Variants in TMEM132D observed in about 807,000 individuals in gnomAD.
TMEM132D encodes the protein transmembrane protein 132D.
TMEM132D carries 21 observed loss-of-function variants against 62.3 expected under a neutral mutation model. The observed-to-expected ratio is 0.34, with a 90% confidence interval of 0.24 to 0.49. The LOEUF (loss-of-function observed/expected upper bound fraction) is 0.49, where lower values mean the gene tolerates loss of function less well. TMEM132D is among the 20% of genes least tolerant of loss of function. TMEM132D has a pLI of 0.99. For missense variants in TMEM132D, 1,346 were observed against 1,402.8 expected, an observed-to-expected ratio of 0.96 and a Z score of 0.65; for synonymous variants, 621 against 575.6, an observed-to-expected ratio of 1.08 and a Z score of -1.13.
At chr12:129,260,894 T>A (rs1376469533) in intron 4 of TMEM132D, among the ~76,000 whole-genome samples, 3 of 152,234 alleles carry the variant, frequency 2.0e-5, no homozygotes, top group African/African-American at 7.2e-5. Context: ...ATACACCACA[T>A]TTTCTTTATC....
intron 3 of TMEM132D, among the ~76,000 whole-genome samples, chr12:129,490,345 C>T (rs766137934): frequency 6.6e-6 from 1 of 151,556 alleles, no homozygotes; most frequent in African/African-American, 2.4e-5. Flanking sequence ...AAACTGATAA[C>T]CCACAGGTAT....
rs1417535980 is a variant in TMEM132D, at chr12:129,698,156, A to G, written c.968+1654T>C. 5 of 152,252 alleles carry G rather than the reference A, an allele frequency of 3.3e-5. 1 individual carries two copies. Among genetic ancestry groups the G allele is most frequent in the Admixed American group, 3.3e-4 (5 of 15,298 alleles). 9.4% of individuals were successfully genotyped at this position (152,252 alleles called of 1,614,324 possible). ...AATACTATGTAAGACTGTTGAACCC[A>G]GAAAAGTAAAACACAAAGCTAGCAG... On this transcript the variant is annotated intron_variant, in intron 2 of 8. Transcript: ENST00000422113.
At chr12:129,574,704 A>C (rs1877610273) in intron 2 of TMEM132D, among the ~76,000 whole-genome samples, 1 of 151,564 alleles carries the variant, frequency 6.6e-6, no homozygotes, top group Admixed American at 6.6e-5. Context: ...CGAGATGAAA[A>C]CCCGAGAATA....
intron 5 of TMEM132D, among the ~76,000 whole-genome samples, chr12:129,142,230 C>T (rs202206576): frequency 3.3e-5 from 5 of 152,056 alleles, no homozygotes; most frequent in African/African-American, 4.8e-5. Flanking sequence ...GAAGGTGCAG[C>T]GAACTTTCTG....
At chr12:129,648,866 T>A (rs1422144541) in intron 2 of TMEM132D, among the ~76,000 whole-genome samples, 2 of 152,130 alleles carry the variant, frequency 1.3e-5, no homozygotes, top group Middle Eastern at 3.4e-3. Context: ...TATAAAAAAA[T>A]ATATATATAA....
chr12:129,197,261 C>T (rs1311009512), intron 5 of TMEM132D, among the ~76,000 whole-genome samples: 1 of 152,162 alleles, frequency 6.6e-6, no homozygotes, highest in Non-Finnish European at 1.5e-5. Context: ...AGACAATACT[C>T]AACAGGTAAA....
At chr12:129,359,769 G>A (rs988509852) in intron 3 of TMEM132D, among the ~76,000 whole-genome samples, 2 of 152,108 alleles carry the variant, frequency 1.3e-5, no homozygotes, top group African/African-American at 4.8e-5. Context: ...CACTGAGAAT[G>A]AATAAGTTTA....
At chr12:129,619,987 C>T (rs1007008203) in intron 2 of TMEM132D, among the ~76,000 whole-genome samples, 3 of 152,184 alleles carry the variant, frequency 2.0e-5, no homozygotes, top group South Asian at 2.1e-4. Context: ...CCCAAAGCCA[C>T]GCAGCCCAGG....
intron 1 of TMEM132D, among the ~76,000 whole-genome samples, chr12:129,734,876 C>T (rs556748788): frequency 6.6e-6 from 1 of 151,898 alleles, no homozygotes; most frequent in South Asian, 2.1e-4. Flanking sequence ...GTGGTAACAG[C>T]ATGAAAAGAT....
intron 4 of TMEM132D, among the ~76,000 whole-genome samples, chr12:129,227,319 A>ATATATATATATATATATG (rs1193510600): frequency 2.1e-5 from 3 of 140,006 alleles, no homozygotes; most frequent in African/African-American, 8.2e-5. Flanking sequence ...ATATATATAT[A>ATATATATATATATATATG]TATATATGGC....
intron 5 of TMEM132D, among the ~76,000 whole-genome samples, chr12:129,131,595 G>T (rs1332001200): frequency 6.6e-6 from 1 of 151,106 alleles, no homozygotes; most frequent in Non-Finnish European, 1.5e-5. Flanking sequence ...GTGACAGAGT[G>T]AGACTCTGTC....
intron 4 of TMEM132D, among the ~76,000 whole-genome samples, chr12:129,313,585 A>ATATT (rs1243323660): frequency 6.6e-6 from 1 of 151,684 alleles, no homozygotes; most frequent in African/African-American, 2.4e-5. Flanking sequence ...ATATATATAT[A>ATATT]TAAGTTTCTT....
chr12:129,638,172 T>C (rs1003878962), intron 2 of TMEM132D, among the ~76,000 whole-genome samples: 1 of 152,144 alleles, frequency 6.6e-6, no homozygotes, highest in African/African-American at 2.4e-5. Context: ...GCAGAAAGAA[T>C]AGTGGAGAAT....
intron 1 of TMEM132D, among the ~76,000 whole-genome samples, chr12:129,888,953 G>C (rs1874833130): frequency 1.3e-5 from 2 of 152,228 alleles, no homozygotes; most frequent in Admixed American, 6.5e-5. Context: ...AGTGACTTGA[G>C]TCGGGGAAGT....
rs751887764 is a variant in TMEM132D, at chr12:129,582,934, T to TTTTG, written c.969-51733_969-51730dup. Among the ~76,000 whole-genome samples the TTTTG allele has an allele frequency of 1.3e-3, 184 of 142,912 alleles. 2 individuals carry two copies. In the Middle Eastern group the frequency reaches 0.028, roughly 22 times the overall value. 93.8% of individuals were successfully genotyped at this position (142,912 alleles called of 152,430 possible). On this transcript the variant is annotated intron_variant, in intron 2 of 8. Transcript: ENST00000422113. The stretch of plus-strand genomic sequence containing the variant: ...GCCACCACGTCCAGCCGAGTTTGTT[T>TTTTG]TTTGTTTTGTTTTGGAGACAGAGTC...
At chr12:129,523,708 AATCTCAC>A (rs1183632930) in intron 3 of TMEM132D, among the ~76,000 whole-genome samples, 3 of 152,206 alleles carry the variant, frequency 2.0e-5, no homozygotes, top group African/African-American at 4.8e-5. Flanking sequence ...AATTAAGGCA[AATCTCAC>A]ACTCCCTCAT....
chr12:129,436,689 A>C (rs1185156458), intron 3 of TMEM132D, among the ~76,000 whole-genome samples: 1 of 152,204 alleles, frequency 6.6e-6, no homozygotes, highest in Non-Finnish European at 1.5e-5. Context: ...AAAACATATT[A>C]GGAGGGATGA....
intron 3 of TMEM132D, among the ~76,000 whole-genome samples, chr12:129,451,953 G>A (rs1873301748): frequency 6.6e-6 from 1 of 152,022 alleles, no homozygotes; most frequent in Non-Finnish European, 1.5e-5. Flanking sequence ...GGGCAGAAAA[G>A]ATGGTGAGTA....
intron 4 of TMEM132D, among the ~76,000 whole-genome samples, chr12:129,273,870 A>C (rs12820570): frequency 6.6e-6 from 1 of 151,482 alleles, no homozygotes; most frequent in Non-Finnish European, 1.5e-5. Context: ...CAATATACCC[A>C]TATAACACAC....
Sources: gnomAD v4.1 joint callset for allele counts (sites outside exome capture counted in the v4.1 genomes callset) on GRCh38, gnomAD v4.1.1 for gene constraint, MANE v1.5 for transcripts, NCBI Gene and HGNC (gene_info 2026-07-23, HGNC 2026-07-21) for gene names.